SCAI: variants seen among roughly 807,000 people sequenced by gnomAD.
SCAI encodes the protein protein SCAI.
Under a neutral mutation model 92.2 loss-of-function variants are expected in SCAI, and 24 were observed. The ratio of observed to expected loss-of-function variants is 0.26; its 90% CI spans 0.19 to 0.37. The LOEUF (loss-of-function observed/expected upper bound fraction) is 0.37, where lower values mean the gene tolerates loss of function less well. Ranked by LOEUF, SCAI falls within the 10% of genes least tolerant of loss-of-function variation. The pLI, the probability that SCAI is intolerant of heterozygous loss-of-function variation, is 1.00. For missense variants in SCAI, 450 were observed against 736.2 expected, an observed-to-expected ratio of 0.61 and a Z score of 4.50; for synonymous variants, 261 against 258.6, an observed-to-expected ratio of 1.01 and a Z score of -0.09.
chr9:125,097,517 A>C (rs1834584118), intron 2 of SCAI, among the ~76,000 whole-genome samples: 1 of 152,134 alleles, frequency 6.6e-6, no homozygotes, highest in Non-Finnish European at 1.5e-5. Context: ...AAAGAGTTTA[A>C]AGGCCTGAAA....
At chr9:125,019,940 G>A (rs755583667) in intron 7 of SCAI, among the ~76,000 whole-genome samples, 2 of 151,920 alleles carry the variant, frequency 1.3e-5, no homozygotes, top group Non-Finnish European at 2.9e-5. Flanking sequence ...TAGGAGTGGT[G>A]GCTTGAGCCT....
chr9:125,101,147 TGAA>T (rs1834669801), intron 2 of SCAI, among the ~76,000 whole-genome samples: 1 of 152,050 alleles, frequency 6.6e-6, no homozygotes, highest in East Asian at 1.9e-4. Context: ...AGAGACATAC[TGAA>T]GAACCAGTTC....
At chr9:125,001,386 G>A (rs1004734250) in intron 12 of SCAI, among the ~76,000 whole-genome samples, 9 of 152,220 alleles carry the variant, frequency 5.9e-5, no homozygotes, top group Admixed American at 5.9e-4. Context: ...ACCAATTTCT[G>A]GACTGGTATG....
intron 2 of SCAI, among the ~76,000 whole-genome samples, chr9:125,121,085 A>AT (rs1270861736): frequency 6.6e-6 from 1 of 152,030 alleles, no homozygotes; most frequent in Non-Finnish European, 1.5e-5. Flanking sequence ...TCAATGAAGG[A>AT]TAAGAAATTC....
intron 17 of SCAI, among the ~76,000 whole-genome samples, chr9:124,955,448 AGTT>A (rs1371865510): frequency 6.6e-6 from 1 of 151,808 alleles, no homozygotes; most frequent in Non-Finnish European, 1.5e-5. Context: ...TTCGTTTTTT[AGTT>A]TCTACCAAAA....
chr9:125,113,504 T>C (rs1051708353), intron 2 of SCAI, among the ~76,000 whole-genome samples: 1 of 152,108 alleles, frequency 6.6e-6, no homozygotes, highest in African/African-American at 2.4e-5. Context: ...AAAAGGATAT[T>C]AGGTAAAGAC....
chr9:125,092,788 C>T (rs1174266835), intron 2 of SCAI, among the ~76,000 whole-genome samples: 4 of 152,216 alleles, frequency 2.6e-5, no homozygotes, highest in African/African-American at 9.7e-5. Context: ...ACATGCTCCT[C>T]TAGCCTTCAT....
intron 3 of SCAI, among the ~76,000 whole-genome samples, chr9:125,030,191 C>T (rs192751679): frequency 4.6e-5 from 7 of 152,334 alleles, no homozygotes; most frequent in Admixed American, 2.6e-4. Context: ...AAATATACAT[C>T]CCTGTCCTTG....
chr9:125,018,209 CTCAGCCTCCTGAG>C (rs897546371), intron 9 of SCAI, among the ~76,000 whole-genome samples: 4 of 151,892 alleles, frequency 2.6e-5, no homozygotes, highest in Non-Finnish European at 5.9e-5. Context: ...ATTCTCTTGC[CTCAGCCTCCTGAG>C]TAGCTGGGAT....
At chr9:125,143,103 C>T (rs942331458) in intron 1 of SCAI, among the ~76,000 whole-genome samples, 4 of 151,188 alleles carry the variant, frequency 2.6e-5, no homozygotes, top group African/African-American at 4.9e-5. Context: ...CATTCCACGG[C>T]CCCTCCGGGG....
intron 2 of SCAI, among the ~76,000 whole-genome samples, chr9:125,113,820 G>T (rs190893415): frequency 4.7e-4 from 72 of 152,046 alleles, no homozygotes; most frequent in Admixed American, 6.6e-5. Flanking sequence ...AAATTAGCCG[G>T]GCGTGGTGGT....
intron 9 of SCAI, 101 bp downstream of exon 9, chr9:125,018,698 C>T: frequency 9.8e-7 from 1 of 1,024,890 alleles, no homozygotes; most frequent in Non-Finnish European, 1.4e-6. Context: ...AATTTCCTCA[C>T]AAGAGGATGT....
At chr9:125,017,552 G>C (rs1274754462) in intron 9 of SCAI, among the ~76,000 whole-genome samples, 2 of 152,078 alleles carry the variant, frequency 1.3e-5, no homozygotes, top group East Asian at 1.9e-4. Context: ...ATAGATGCTA[G>C]GATAGGATCC....
intron 3 of SCAI, among the ~76,000 whole-genome samples, chr9:125,046,190 T>A (rs1473416743): frequency 9.8e-6 from 1 of 102,238 alleles, no homozygotes; most frequent in Non-Finnish European, 1.9e-5. Context: ...AATAAAGAAA[T>A]TGTGAGATAT....
At chr9:125,050,084 A>G (rs774791503) in intron 3 of SCAI, among the ~76,000 whole-genome samples, 10 of 152,148 alleles carry the variant, frequency 6.6e-5, no homozygotes, top group Non-Finnish European at 1.3e-4. Flanking sequence ...AGGAGAAAAA[A>G]AAAAAGACAA....
chr9:124,991,872 C>G (rs1356835218), intron 14 of SCAI, among the ~76,000 whole-genome samples: 1 of 152,104 alleles, frequency 6.6e-6, no homozygotes, highest in Non-Finnish European at 1.5e-5. Flanking sequence ...AACCAAAAAA[C>G]TTGCAAAGTG....
At chr9:125,038,122 T>C (rs959803547) in intron 3 of SCAI, among the ~76,000 whole-genome samples, 4 of 152,010 alleles carry the variant, frequency 2.6e-5, no homozygotes, top group Admixed American at 6.6e-5. Context: ...CCAGACATGG[T>C]GGCACAGGCC....
At chr9:125,127,961 T>C (rs1389035482) in intron 2 of SCAI, among the ~76,000 whole-genome samples, 1 of 150,582 alleles carries the variant, frequency 6.6e-6, no homozygotes, top group Non-Finnish European at 1.5e-5. Context: ...TGAGCTGAGA[T>C]CACACCACTG....
chr9:125,019,085 A>G, intron 8 of SCAI, 22 bp downstream of exon 8: 2 of 1,562,174 alleles, frequency 1.3e-6, no homozygotes, highest in East Asian at 2.2e-5. Flanking sequence ...AATAATTATG[A>G]TTTTTCTTAT....
Sources: gnomAD v4.1 joint callset for allele counts (sites outside exome capture counted in the v4.1 genomes callset) on GRCh38, gnomAD v4.1.1 for gene constraint, MANE v1.5 for transcripts, NCBI Gene and HGNC (gene_info 2026-07-23, HGNC 2026-07-21) for gene names.